DISC1: variants seen among roughly 807,000 people sequenced by gnomAD.
DISC1 encodes the protein DISC1 scaffold protein.
Under a neutral mutation model 84.5 loss-of-function variants are expected in DISC1, and 57 were observed. The ratio of observed to expected loss-of-function variants is 0.67; its 90% confidence interval spans 0.55 to 0.84. DISC1 has a LOEUF of 0.84. DISC1 is among the 40% of genes least tolerant of loss of function. The pLI is 0.00. For synonymous variants in DISC1, 411 were observed against 415.2 expected, an observed-to-expected ratio of 0.99 and a Z score of 0.12; for missense variants, 1,000 against 1,057.8, an observed-to-expected ratio of 0.95 and a Z score of 0.76.
chr1:231,687,709 C>A (rs200547168), intron 1 of DISC1, among the ~76,000 whole-genome samples: 3 of 152,064 alleles, frequency 2.0e-5, no homozygotes, highest in Non-Finnish European at 4.4e-5. Context: ...CAAGCTTAGG[C>A]CCAGGTTGTT....
chr1:232,020,483 CTCAGGGAAGG>C (rs1274540731), intron 11 of DISC1, among the ~76,000 whole-genome samples: 2 of 152,152 alleles, frequency 1.3e-5, no homozygotes, highest in African/African-American at 4.8e-5. Context: ...TATTAAGATT[CTCAGGGAAGG>C]TTTCCGACAT....
intron 3 of DISC1, among the ~76,000 whole-genome samples, chr1:231,733,278 G>A (rs2071856269): frequency 6.6e-6 from 1 of 151,540 alleles, no homozygotes; most frequent in African/African-American, 2.4e-5. Context: ...AATGGTAGGA[G>A]TGTTGGTGGT....
intron 9 of DISC1, among the ~76,000 whole-genome samples, chr1:231,933,066 C>G (rs1279686605): frequency 6.6e-6 from 1 of 152,190 alleles, no homozygotes; most frequent in Non-Finnish European, 1.5e-5. Context: ...ATGACAATGA[C>G]AACAGCAGCG....
At chr1:231,807,620 C>G (rs953299919) in intron 8 of DISC1, among the ~76,000 whole-genome samples, 1 of 152,174 alleles carries the variant, frequency 6.6e-6, no homozygotes, top group Admixed American at 6.5e-5. Flanking sequence ...TGGTTTTAAG[C>G]CCCGGTCCTC....
chr1:231,882,178 T>C (rs983023439), intron 9 of DISC1, among the ~76,000 whole-genome samples: 2 of 152,204 alleles, frequency 1.3e-5, no homozygotes, highest in African/African-American at 4.8e-5. Context: ...GAATGCACTA[T>C]TCTTGCCATC....
At chr1:231,801,379 G>A (rs2759352) in intron 8 of DISC1, among the ~76,000 whole-genome samples, 149,192 of 152,312 alleles carry the variant, frequency 0.98, 73,113 homozygotes, top group East Asian at 1. Context: ...ATGAGTCTGT[G>A]TTAAGCCCAA....
chr1:231,901,596 G>C (rs2088181825), intron 9 of DISC1, among the ~76,000 whole-genome samples: 1 of 152,156 alleles, frequency 6.6e-6, no homozygotes, highest in East Asian at 1.9e-4. Context: ...AATGAAATCA[G>C]GCTTGTATGG....
intron 9 of DISC1, among the ~76,000 whole-genome samples, chr1:231,872,237 C>T (rs1343145819): frequency 6.6e-6 from 1 of 152,196 alleles, no homozygotes; most frequent in Non-Finnish European, 1.5e-5. Flanking sequence ...GTCTCTTCAA[C>T]ATTGGCTTTC....
intron 4 of DISC1, among the ~76,000 whole-genome samples, chr1:231,765,850 A>G (rs145300716): frequency 3.3e-5 from 5 of 152,306 alleles, no homozygotes; most frequent in East Asian, 3.9e-4. Context: ...GCATCCAAGC[A>G]TCTGCAAATC....
chr1:231,711,508 T>C (rs2125014774), intron 3 of DISC1, among the ~76,000 whole-genome samples: 1 of 151,880 alleles, frequency 6.6e-6, no homozygotes, highest in East Asian at 1.9e-4. Context: ...TACAGGTGCA[T>C]GCTGCCATGC....
rs1028179654 is a variant in DISC1, at chr1:231,818,528, C to T, written c.1981+11C>T. ...AGGAGACTGCCTATGGTAGGTAGTG[C>T]ACAACTGTTCCCCGGCAAGATATTG... is the stretch of plus-strand genomic sequence containing the variant. On this transcript the variant is annotated intron_variant, in intron 9 of 12. Transcript: ENST00000439617. 2 of 1,613,748 alleles carry T rather than the reference C, an allele frequency of 1.2e-6. No individual in the cohort carries two copies. Among genetic ancestry groups the T allele is most frequent in the African/African-American group, 2.7e-5 (2 of 74,888 alleles).
At chr1:231,746,497 C>T (rs1305743661) in intron 3 of DISC1, among the ~76,000 whole-genome samples, 1 of 152,132 alleles carries the variant, frequency 6.6e-6, no homozygotes, top group Non-Finnish European at 1.5e-5. Context: ...TATGATTGTT[C>T]TATTTGTAGT....
chr1:231,993,817 C>G (rs1269656177), intron 10 of DISC1, among the ~76,000 whole-genome samples: 2 of 152,190 alleles, frequency 1.3e-5, no homozygotes, highest in Non-Finnish European at 2.9e-5. Context: ...AACTTTGATT[C>G]TGTGTCTTAA....
intron 10 of DISC1, among the ~76,000 whole-genome samples, chr1:231,999,362 A>G (rs897044145): frequency 2.6e-5 from 4 of 152,212 alleles, no homozygotes; most frequent in Admixed American, 6.5e-5. Context: ...TCATGAAAAA[A>G]GATGACCTAG....
chr1:232,024,988 C>A (rs1669314078), intron 11 of DISC1, among the ~76,000 whole-genome samples: 1 of 152,200 alleles, frequency 6.6e-6, no homozygotes, highest in South Asian at 2.1e-4. Context: ...TTTCTTGCTT[C>A]TCCCCCTGCT....
intron 3 of DISC1, among the ~76,000 whole-genome samples, chr1:231,715,836 A>G (rs1047259391): frequency 6.6e-6 from 1 of 152,180 alleles, no homozygotes; most frequent in Non-Finnish European, 1.5e-5. Context: ...TAGTTTCCAA[A>G]CAAAGAGCCG....
intron 1 of DISC1, among the ~76,000 whole-genome samples, chr1:231,665,555 G>A (rs1055752095): frequency 6.6e-6 from 1 of 152,216 alleles, no homozygotes; most frequent in Non-Finnish European, 1.5e-5. Flanking sequence ...GTAAAGTACA[G>A]TAGTGTAAAT....
At chr1:232,017,750 C>T (rs1053821188) in intron 11 of DISC1, among the ~76,000 whole-genome samples, 2 of 152,172 alleles carry the variant, frequency 1.3e-5, no homozygotes, top group African/African-American at 4.8e-5. Flanking sequence ...CTTCTCTGCA[C>T]AGCCCCCAGC....
At chr1:231,663,532 C>T (rs1390010833) in intron 1 of DISC1, among the ~76,000 whole-genome samples, 1 of 152,180 alleles carries the variant, frequency 6.6e-6, no homozygotes, top group Admixed American at 6.5e-5. Flanking sequence ...TATACTGCCC[C>T]TACAACTTGC....
Sources: gnomAD v4.1 joint callset for allele counts (sites outside exome capture counted in the v4.1 genomes callset) on GRCh38, gnomAD v4.1.1 for gene constraint, MANE v1.5 for transcripts, NCBI Gene and HGNC (gene_info 2026-07-23, HGNC 2026-07-21) for gene names.